ATIC: variants seen among roughly 807,000 people sequenced by gnomAD.
ATIC encodes the protein bifunctional purine biosynthesis protein ATIC.
In ATIC, 64 loss-of-function variants were observed where a neutral mutation model predicts 72.5. That is an observed-to-expected ratio of 0.88 (90% CI 0.72 to 1.09). The LOEUF (loss-of-function observed/expected upper bound fraction) is 1.09. Ranked by LOEUF, ATIC falls within the 50% of genes least tolerant of loss-of-function variation. The probability of loss-of-function intolerance (pLI) is 0.00; values close to 1 mark genes in which losing one functional copy is unlikely to be tolerated. For missense variants in ATIC, 787 were observed against 732.4 expected (o/e 1.07, Z -0.86); for synonymous variants, 281 against 267.1 (o/e 1.05, Z -0.51).
chr2:215,320,091 C>G (rs2052751496), intron 4 of ATIC, among the ~76,000 whole-genome samples: 1 of 152,150 alleles, frequency 6.6e-6, no homozygotes, highest in Admixed American at 6.5e-5. Flanking sequence ...GCATTTCCTC[C>G]AAGTGTCATG....
chr2:215,365,047 A>G, the ATIC span: 1 of 1,062,424 alleles, frequency 9.4e-7, no homozygotes, highest in South Asian at 1.4e-5. Context: ...GACTTGATCT[A>G]GGGGTGGGTT....
intron 7 of ATIC, among the ~76,000 whole-genome samples, chr2:215,329,506 A>C (rs944689258): frequency 5.3e-5 from 8 of 152,126 alleles, no homozygotes; most frequent in African/African-American, 1.9e-4. Flanking sequence ...ATGTGGTTTG[A>C]GTATTTGGCA....
chr2:215,315,499 G>C (rs1408336003), intron 2 of ATIC, among the ~76,000 whole-genome samples: 1 of 152,056 alleles, frequency 6.6e-6, no homozygotes. Flanking sequence ...TGGGACTACA[G>C]CTGCACACCA....
In ATIC at chr2:215,346,866, G is replaced by C; in HGVS notation, c.1428G>C (p.Met476Ile). The C allele has an allele frequency of 6.2e-7, 1 of 1,614,206 alleles. No individual in the cohort carries two copies. The highest frequency in any genetic ancestry group is 8.5e-7 in the Non-Finnish European group (1 of 1,180,048). Reference sequence around the variant, plus strand: ...GACACCATCCACAAGTGCTTTCGATGAAGTTTAAAACAGGAGTGAAGAGAG... The same window carrying C: ...GACACCATCCACAAGTGCTTTCGATCAAGTTTAAAACAGGAGTGAAGAGAG... ...WLRHHPQVLS[M>I]KFKTGVKRAE... The change falls in exon 14 of 16, where the codon ATG (methionine) becomes ATC (isoleucine). Residue 476 changes from methionine to isoleucine, a missense_variant. By Grantham distance (10) the Met-to-Ile change is conservative. Transcript: ENST00000236959.
At chr2:215,324,666 G>C (rs189333249) in intron 4 of ATIC, among the ~76,000 whole-genome samples, 1 of 152,242 alleles carries the variant, frequency 6.6e-6, no homozygotes, top group Non-Finnish European at 1.5e-5. Flanking sequence ...GAGTGGAACT[G>C]TACTTCACTG....
At chr2:215,348,566 T>G in intron 14 of ATIC, 1 of 350,290 alleles carries the variant, frequency 2.9e-6, no homozygotes. Flanking sequence ...CTTTATTTGG[T>G]AAACTTAGAA....
intron 4 of ATIC, among the ~76,000 whole-genome samples, chr2:215,322,685 T>G (rs1013027894): frequency 6.6e-6 from 1 of 152,120 alleles, no homozygotes. Context: ...ACTTAAGTCT[T>G]TGGTTCATTT....
intron 7 of ATIC, among the ~76,000 whole-genome samples, chr2:215,327,735 G>T (rs1291374927): frequency 6.6e-6 from 1 of 152,118 alleles, no homozygotes; most frequent in Admixed American, 6.5e-5. Flanking sequence ...TTCCTGCCTG[G>T]GGCGGTCAGC....
In ATIC at chr2:215,312,495, C is replaced by T. The variant is rs756197437; in HGVS notation, c.20-3C>T. 6.2e-7 allele frequency: 1 copy of T among 1,614,228 alleles called. No individual in the cohort carries two copies. Among genetic ancestry groups the T allele is most frequent in the Non-Finnish European group, 8.5e-7 (1 of 1,180,042 alleles). On this transcript the variant is annotated splice_region_variant and splice_polypyrimidine_tract_variant and intron_variant, in intron 1 of 15. Transcript: ENST00000236959. The stretch of plus-strand genomic sequence containing the variant: ...TCATGAGAAAAAATGTCTTCTCTTT[C>T]AGCCTTATTTAGTGTCTCTGACAAA...
At chr2:215,362,274 T>G in the ATIC span, 1 of 598,070 alleles carries the variant, frequency 1.7e-6, no homozygotes. Context: ...CCATATCTTA[T>G]ACCTACATCT....
chr2:215,348,468 G>A (rs966767829), intron 14 of ATIC, among the ~76,000 whole-genome samples: 1 of 152,022 alleles, frequency 6.6e-6, no homozygotes, highest in Non-Finnish European at 1.5e-5. Context: ...TTAAAACAGT[G>A]TATTTTTATG....
intron 4 of ATIC, among the ~76,000 whole-genome samples, chr2:215,324,429 T>C (rs1166726874): frequency 1.3e-5 from 2 of 152,194 alleles, no homozygotes; most frequent in Admixed American, 6.5e-5. Context: ...TGTTAGTGTT[T>C]TGTTGAGAGT....
rs150414269 is a variant in ATIC at position 215,347,489 on chromosome 2, A to G, written c.1503+548A>G. 68 of 431,104 alleles carry G rather than the reference A, an allele frequency of 1.6e-4. No individual in the cohort carries two copies. The East Asian group carries it at 3.5e-3, about 22-fold the overall frequency. The allele number at this position is 431,104 out of a possible 1,614,324, so 26.7% of individuals were successfully genotyped here. Reference sequence around the variant, plus strand: ...AACGTTAGGTAGGTAGCCCGCCAGAAGAAAAGATCTAGCCCAGTTTCTGGA... The same window carrying G: ...AACGTTAGGTAGGTAGCCCGCCAGAGGAAAAGATCTAGCCCAGTTTCTGGA... On this transcript the variant is annotated intron_variant, in intron 14 of 15. Transcript: ENST00000236959.
intron 4 of ATIC, among the ~76,000 whole-genome samples, chr2:215,322,042 A>G (rs2052773071): frequency 6.6e-6 from 1 of 151,798 alleles, no homozygotes; most frequent in Non-Finnish European, 1.5e-5. Flanking sequence ...CTGGGGTTAC[A>G]GGTGCCCGCC....
chr2:215,367,889 C>G, the ATIC span: 4 of 1,614,000 alleles, frequency 2.5e-6, no homozygotes, highest in Non-Finnish European at 2.5e-6. Context: ...GAAATGACCA[C>G]TTCCAAAGCC....
chr2:215,359,439 T>C, the ATIC span, among the ~76,000 whole-genome samples: 2 of 150,636 alleles, frequency 1.3e-5, no homozygotes, highest in African/African-American at 4.9e-5. Context: ...TGACGTTCTC[T>C]CTCCAGGGTG....
intron 14 of ATIC, chr2:215,348,547 T>C: frequency 3.2e-6 from 1 of 316,314 alleles, no homozygotes; most frequent in South Asian, 2.5e-5. Flanking sequence ...GAAAGTAAAA[T>C]GGTATTATCT....
intron 2 of ATIC, among the ~76,000 whole-genome samples, 160 bp downstream of exon 2, chr2:215,312,784 CAGAG>C (rs1372264577): frequency 1.3e-5 from 2 of 152,124 alleles, no homozygotes; most frequent in Admixed American, 1.3e-4. Flanking sequence ...AAGTGAGGCT[CAGAG>C]AGATTTAGCA....
At chr2:215,355,458 T>C in the ATIC span, among the ~76,000 whole-genome samples, 1 of 152,150 alleles carries the variant, frequency 6.6e-6, no homozygotes, top group Non-Finnish European at 1.5e-5. Context: ...AAACAGTCCA[T>C]GAAAGGGATC....
Sources: gnomAD v4.1 joint callset for allele counts (sites outside exome capture counted in the v4.1 genomes callset) on GRCh38, gnomAD v4.1.1 for gene constraint, MANE v1.5 for transcripts, NCBI Gene and HGNC (gene_info 2026-07-23, HGNC 2026-07-21) for gene names.